RTL4: variants seen among roughly 807,000 people sequenced by gnomAD.
RTL4 encodes the protein retrotransposon Gag-like protein 4.
In RTL4, 4 loss-of-function variants were observed where a neutral mutation model predicts 5.3. The observed-to-expected ratio is 0.75, with a 90% CI of 0.37 to 1.72. The LOEUF is 1.72. Ranked by LOEUF, RTL4 falls within the 40% of genes most tolerant of loss-of-function variation. RTL4 has a pLI of 0.04. For missense variants in RTL4, 260 were observed against 227.1 expected, an observed-to-expected ratio of 1.14 and a Z score of -0.93; for synonymous variants, 98 against 87.3, an observed-to-expected ratio of 1.12 and a Z score of -0.68.
At chrX:112,235,252 A>G in the RTL4 span, among the ~76,000 whole-genome samples, 2 of 111,674 alleles carry the variant, frequency 1.8e-5, no homozygotes, top group African/African-American at 6.5e-5. Flanking sequence ...GCAAATAGCT[A>G]CCCTAGGCCA....
chrX:112,175,911 T>C, the RTL4 span, among the ~76,000 whole-genome samples: 3 of 110,925 alleles, frequency 2.7e-5, no homozygotes, highest in East Asian at 8.6e-4. Flanking sequence ...ATAAAGGGTA[T>C]TCAATTAGGA....
At chrX:112,455,580 C>A (rs771790245) in exon 1 of RTL4, 3 of 1,211,765 alleles carry the variant, frequency 2.5e-6, no homozygotes, top group Non-Finnish European at 3.3e-6. Context: ...TCTACTGCAG[C>A]CAATCTGGTC....
At chrX:112,432,868 G>A in the RTL4 span, among the ~76,000 whole-genome samples, 5 of 111,440 alleles carry the variant, frequency 4.5e-5, no homozygotes, top group South Asian at 3.7e-4. Context: ...GTTTTAAGTC[G>A]AATGTTTAAG....
At chrX:112,128,974 C>A in the RTL4 span, among the ~76,000 whole-genome samples, 2 of 111,450 alleles carry the variant, frequency 1.8e-5, no homozygotes. Flanking sequence ...GTATAAAGAA[C>A]ACTTAGAACT....
At chrX:112,334,718 T>C in the RTL4 span, among the ~76,000 whole-genome samples, 4 of 112,353 alleles carry the variant, frequency 3.6e-5, no homozygotes, top group Non-Finnish European at 5.6e-5. Flanking sequence ...TTTACATTTG[T>C]CATTTTGATA....
the RTL4 span, among the ~76,000 whole-genome samples, chrX:112,132,742 T>C: frequency 8.9e-6 from 1 of 112,435 alleles, no homozygotes; most frequent in Non-Finnish European, 1.9e-5. Context: ...TTCTCTCCCA[T>C]TTTAAGTCAT....
At chrX:112,434,047 G>A in the RTL4 span, among the ~76,000 whole-genome samples, 190 of 99,596 alleles carry the variant, frequency 1.9e-3, no homozygotes, top group African/African-American at 3.1e-3. Flanking sequence ...ATTGATTTGC[G>A]TATATTGAAC....
chrX:112,303,963 C>A, the RTL4 span, among the ~76,000 whole-genome samples: 1 of 110,714 alleles, frequency 9.0e-6, no homozygotes, highest in Non-Finnish European at 1.9e-5. Context: ...TTGCTACCTA[C>A]TGACTTCCAC....
chrX:112,132,030 GAC>G, the RTL4 span, among the ~76,000 whole-genome samples: 1 of 111,707 alleles, frequency 9.0e-6, no homozygotes, highest in Non-Finnish European at 1.9e-5. Context: ...GCTCCAAGGA[GAC>G]AGAGTCTGGA....
the RTL4 span, among the ~76,000 whole-genome samples, chrX:112,289,326 T>C: frequency 8.9e-6 from 1 of 112,449 alleles, no homozygotes; most frequent in South Asian, 3.7e-4. Context: ...AAAGCCAACT[T>C]TGTGGCAAAC....
At chrX:112,422,620 T>A in the RTL4 span, among the ~76,000 whole-genome samples, 2 of 111,307 alleles carry the variant, frequency 1.8e-5, no homozygotes, top group South Asian at 7.5e-4. Context: ...TGAGGCACCT[T>A]AAAGAGGGCC....
chrX:112,243,953 T>A, the RTL4 span, among the ~76,000 whole-genome samples: 28,787 of 110,901 alleles, frequency 0.26, 3,766 homozygotes, highest in African/African-American at 0.52. Context: ...TTCATTATGT[T>A]CCCAGTAGTC....
At chrX:112,125,454 C>G in the RTL4 span, among the ~76,000 whole-genome samples, 2 of 111,917 alleles carry the variant, frequency 1.8e-5, no homozygotes, top group Non-Finnish European at 1.9e-5. Context: ...ACCAAAGTGT[C>G]AATCATTCTT....
the RTL4 span, among the ~76,000 whole-genome samples, chrX:112,244,239 C>T: frequency 2.7e-5 from 3 of 111,411 alleles, no homozygotes; most frequent in African/African-American, 9.8e-5. Context: ...GAGTTCAAGT[C>T]CTGGATATCC....
chrX:112,223,086 G>C, the RTL4 span, among the ~76,000 whole-genome samples: 4 of 112,450 alleles, frequency 3.6e-5, no homozygotes, highest in African/African-American at 1.3e-4. Flanking sequence ...AGAGGAAGAA[G>C]GGCCAGGAGA....
the RTL4 span, among the ~76,000 whole-genome samples, chrX:112,342,184 A>T: frequency 9.0e-6 from 1 of 111,184 alleles, no homozygotes; most frequent in African/African-American, 3.3e-5. Context: ...GCAGAATAAT[A>T]GAGTCATGGT....
At chrX:112,294,619 A>C in the RTL4 span, among the ~76,000 whole-genome samples, 31 of 111,354 alleles carry the variant, frequency 2.8e-4, no homozygotes, top group Middle Eastern at 4.6e-3. Flanking sequence ...CCAAACCAAA[A>C]CAAAACAAAA....
chrX:112,423,073 T>C, the RTL4 span, among the ~76,000 whole-genome samples: 5 of 109,827 alleles, frequency 4.6e-5, no homozygotes, highest in Admixed American at 3.9e-4. Flanking sequence ...GTGATTAATT[T>C]ACAAGCATGT....
At chrX:112,186,363 GT>G in the RTL4 span, among the ~76,000 whole-genome samples, 1 of 111,938 alleles carries the variant, frequency 8.9e-6, no homozygotes, top group Admixed American at 9.5e-5. Flanking sequence ...GTAAATATTA[GT>G]TCTTAATGTC....
Sources: gnomAD v4.1 joint callset for allele counts (sites outside exome capture counted in the v4.1 genomes callset) on GRCh38, gnomAD v4.1.1 for gene constraint, MANE v1.5 for transcripts, NCBI Gene and HGNC (gene_info 2026-07-23, HGNC 2026-07-21) for gene names.